Variants in TRPS1 observed in about 807,000 individuals in gnomAD.
TRPS1 encodes the protein zinc finger transcription factor Trps1.
Under a neutral mutation model 101.2 loss-of-function variants are expected in TRPS1, and 6 were observed. That is an observed-to-expected ratio of 0.06 (90% CI 0.03 to 0.12). TRPS1 has a LOEUF of 0.12. Among genes scored for constraint, TRPS1 ranks in the 10% least tolerant of loss-of-function variants. TRPS1 has a pLI of 1.00. For synonymous variants in TRPS1, 578 were observed against 589.8 expected (o/e 0.98, Z 0.29); for missense variants, 1,363 against 1,567.0 (o/e 0.87, Z 2.20).
At chr8:115,497,309 A>G (rs148048965) in intron 5 of TRPS1, among the ~76,000 whole-genome samples, 105 of 152,336 alleles carry the variant, frequency 6.9e-4, no homozygotes, top group Non-Finnish European at 1.1e-3. Flanking sequence ...CGAAGTTCAC[A>G]ATAGGGTTTA....
intron 3 of TRPS1, among the ~76,000 whole-genome samples, chr8:115,608,915 C>T (rs887871181): frequency 2.6e-5 from 4 of 152,018 alleles, no homozygotes; most frequent in Admixed American, 1.3e-4. Flanking sequence ...TCACGATCTC[C>T]GCTCACTGTC....
At chr8:115,472,868 G>A (rs1563755687) in intron 5 of TRPS1, among the ~76,000 whole-genome samples, 1 of 152,204 alleles carries the variant, frequency 6.6e-6, no homozygotes, top group East Asian at 1.9e-4. Flanking sequence ...AACACAGCAA[G>A]AGTCACCCTT....
intron 6 of TRPS1, among the ~76,000 whole-genome samples, chr8:115,416,146 TTTAC>T (rs1812913765): frequency 6.6e-6 from 1 of 152,132 alleles, no homozygotes; most frequent in Non-Finnish European, 1.5e-5. Flanking sequence ...CATTCTACTC[TTTAC>T]TTAAAGTAAG....
intron 1 of TRPS1, among the ~76,000 whole-genome samples, chr8:115,654,673 A>G (rs923701733): frequency 5.3e-5 from 8 of 152,194 alleles, no homozygotes; most frequent in African/African-American, 1.9e-4. Context: ...CTTATTAGTG[A>G]CCATTTTCAT....
At chr8:115,460,962 C>T (rs931721950) in intron 5 of TRPS1, among the ~76,000 whole-genome samples, 10 of 152,108 alleles carry the variant, frequency 6.6e-5, no homozygotes, top group African/African-American at 2.4e-4. Context: ...ACTATAGCTA[C>T]AGAAGTATTT....
chr8:115,460,686 G>C (rs1466421869), intron 5 of TRPS1, among the ~76,000 whole-genome samples: 1 of 151,736 alleles, frequency 6.6e-6, no homozygotes, highest in East Asian at 1.9e-4. Flanking sequence ...TTATAACCAA[G>C]ACCATGCGAT....
chr8:115,546,679 T>C (rs1465223262), intron 5 of TRPS1, among the ~76,000 whole-genome samples: 1 of 152,056 alleles, frequency 6.6e-6, no homozygotes, highest in African/African-American at 2.4e-5. Context: ...AAATTACTTT[T>C]TAAAAATCTT....
intron 1 of TRPS1, among the ~76,000 whole-genome samples, chr8:115,629,174 A>C (rs1056204886): frequency 6.6e-6 from 1 of 151,882 alleles, no homozygotes; most frequent in African/African-American, 2.4e-5. Context: ...AACAAAAAAA[A>C]CCAGTATTCC....
At chr8:115,667,846 C>A in intron 1 of TRPS1, 1 of 1,535,396 alleles carries the variant, frequency 6.5e-7, no homozygotes, top group Non-Finnish European at 8.7e-7. Context: ...TGAGACCCTC[C>A]CGACCCTCCC....
intron 4 of TRPS1, 49 bp downstream of exon 4, chr8:115,603,824 C>A (rs759944086): frequency 1.4e-5 from 22 of 1,604,708 alleles, no homozygotes; most frequent in Non-Finnish European, 1.8e-5. Flanking sequence ...TGGATTTTTT[C>A]TATTATTTTA....
intron 5 of TRPS1, among the ~76,000 whole-genome samples, chr8:115,462,701 C>A (rs1317368203): frequency 1.4e-5 from 2 of 138,958 alleles, no homozygotes; most frequent in African/African-American, 5.3e-5. Context: ...AAAAAGAAAA[C>A]ACACTTTTGA....
chr8:115,588,449 AG>A (rs1459052764), intron 4 of TRPS1, among the ~76,000 whole-genome samples: 1 of 152,190 alleles, frequency 6.6e-6, no homozygotes, highest in Non-Finnish European at 1.5e-5. Flanking sequence ...ATTCATTAAA[AG>A]GGTGTGTGTG....
At chr8:115,629,946 AAGCAGATCCCAT>A (rs1217843780) in intron 1 of TRPS1, among the ~76,000 whole-genome samples, 7 of 151,884 alleles carry the variant, frequency 4.6e-5, no homozygotes, top group African/African-American at 1.7e-4. Context: ...TGAAAATCCC[AAGCAGATCCCAT>A]AGCTTTACAG....
At chr8:115,432,740 T>C (rs907472413) in intron 5 of TRPS1, among the ~76,000 whole-genome samples, 1 of 151,938 alleles carries the variant, frequency 6.6e-6, no homozygotes, top group Non-Finnish European at 1.5e-5. Flanking sequence ...GATAAAAAAA[T>C]AGATTTGTGT....
chr8:115,596,780 ATATG>A (rs751870691), intron 4 of TRPS1, among the ~76,000 whole-genome samples: 4 of 151,970 alleles, frequency 2.6e-5, no homozygotes, highest in East Asian at 3.9e-4. Flanking sequence ...GCATGTACAC[ATATG>A]TATGTATATG....
chr8:115,637,124 A>G, intron 1 of TRPS1: 1 of 372,198 alleles, frequency 2.7e-6, no homozygotes, highest in Non-Finnish European at 3.7e-6. Context: ...GCTACAGGGG[A>G]CAGAAAAGGG....
rs1237606222 is a variant in TRPS1 at position 115,414,761 on chromosome 8, G to A, written c.3147C>T (p.His1049=). ...TTTCCTGAGGACTTTTTATCTGAAT[G>A]TGCAAAGGTTGCATCCTTTTGTGAA... ...LDIHKRMQPL[H]IQIKSPQEST... The change falls in exon 7 of 7, where the codon CAC becomes CAT. Residue 1049 remains histidine (H), a synonymous_variant. Coordinates refer to ENST00000395715, the MANE Select transcript of TRPS1 (RefSeq NM_014112.5). The surrounding 1 kb of genome is among the most constrained non-coding windows in gnomAD (Gnocchi z 4.8). 1.2e-6 allele frequency: 2 copies of A among 1,613,888 alleles called. No individual in the cohort carries two copies. The highest frequency in any genetic ancestry group is 1.1e-5 in the South Asian group (1 of 91,084).
intron 5 of TRPS1, among the ~76,000 whole-genome samples, chr8:115,573,267 C>T (rs555594367): frequency 6.6e-6 from 1 of 152,290 alleles, no homozygotes; most frequent in East Asian, 1.9e-4. Flanking sequence ...GCTCTACTTC[C>T]TCTCTGTAAA....
chr8:115,482,650 G>T (rs924903573), intron 5 of TRPS1, among the ~76,000 whole-genome samples: 7 of 152,090 alleles, frequency 4.6e-5, no homozygotes, highest in Non-Finnish European at 7.4e-5. Context: ...ATAGAAGAAG[G>T]AAGTCCCTAA....
Sources: allele counts gnomAD v4.1 joint callset (sites outside exome capture counted in the v4.1 genomes callset), GRCh38; gene constraint gnomAD v4.1.1; non-coding constraint Gnocchi (gnomAD v3.1); transcripts MANE v1.5; gene names NCBI Gene and HGNC (gene_info 2026-07-23, HGNC 2026-07-21).